The following CSMD1 variants were observed in gnomAD, a reference collection of about 807,000 sequenced individuals.
The protein encoded by CSMD1 is CUB and sushi domain-containing protein 1.
CSMD1 carries 213 observed loss-of-function variants against 417.5 expected under a neutral mutation model. The ratio of observed to expected loss-of-function variants is 0.51; its 90% CI spans 0.46 to 0.57. The LOEUF is 0.57. CSMD1 is among the 20% of genes least tolerant of loss of function. The pLI is 0.00. For synonymous variants in CSMD1, 2,862 were observed against 1,736.8 expected, an observed-to-expected ratio of 1.65 and a Z score of -16.11; for missense variants, 6,923 against 4,529.7, an observed-to-expected ratio of 1.53 and a Z score of -15.17.
intron 1 of CSMD1, among the ~76,000 whole-genome samples, chr8:4,836,218 TTA>T (rs1159325620): frequency 2.0e-5 from 3 of 152,232 alleles, no homozygotes; most frequent in Non-Finnish European, 4.4e-5. Context: ...CCTTGAGGTA[TTA>T]GATAGGTTAA....
At chr8:4,340,387 T>C (rs955571399) in intron 3 of CSMD1, among the ~76,000 whole-genome samples, 1 of 152,080 alleles carries the variant, frequency 6.6e-6, no homozygotes, top group Non-Finnish European at 1.5e-5. Context: ...AATAACACTC[T>C]TGACATGAGT....
intron 41 of CSMD1, among the ~76,000 whole-genome samples, chr8:3,138,955 G>T (rs143106216): frequency 6.6e-6 from 1 of 152,190 alleles, no homozygotes; most frequent in Non-Finnish European, 1.5e-5. Flanking sequence ...AGACATTTAG[G>T]AGTTTGGCCA....
chr8:3,824,850 G>C (rs186757151), intron 5 of CSMD1, among the ~76,000 whole-genome samples: 1 of 151,988 alleles, frequency 6.6e-6, no homozygotes, highest in Admixed American at 6.6e-5. Flanking sequence ...AATGACACAG[G>C]GTTTCAATTA....
intron 12 of CSMD1, among the ~76,000 whole-genome samples, chr8:3,460,746 G>C (rs1036778897): frequency 1.3e-5 from 2 of 152,192 alleles, no homozygotes; most frequent in Non-Finnish European, 2.9e-5. Context: ...TTATAAATCT[G>C]TTGTCCAAAT....
At chr8:4,065,901 G>A (rs1799221011) in intron 3 of CSMD1, among the ~76,000 whole-genome samples, 1 of 152,112 alleles carries the variant, frequency 6.6e-6, no homozygotes. Flanking sequence ...GCTCAAAGAA[G>A]AACAAAGTGG....
chr8:4,328,665 A>T (rs1200655930), intron 3 of CSMD1, among the ~76,000 whole-genome samples: 1 of 152,200 alleles, frequency 6.6e-6, no homozygotes, highest in Non-Finnish European at 1.5e-5. Flanking sequence ...TCTCTTTGAA[A>T]GGCATGTCTA....
chr8:3,849,808 T>A (rs1294355050), intron 5 of CSMD1, among the ~76,000 whole-genome samples: 1 of 137,008 alleles, frequency 7.3e-6, no homozygotes, highest in African/African-American at 3.1e-5. Flanking sequence ...ACAGAGTATA[T>A]CTTTTTTTGT....
In CSMD1 at chr8:3,728,369, A is replaced by T. The variant is rs567222789; in HGVS notation, c.932-19878T>A. On this transcript the variant is annotated intron_variant, in intron 6 of 69. Transcript: ENST00000635120. ...GGAGTCCATTAAACCTCGTTCCTTT[A>T]TCAATTACCCAGTATTGGGTATGTC... Among the ~76,000 whole-genome samples the T allele has an allele frequency of 3.9e-5, 6 of 152,270 alleles. No homozygotes were observed. In the South Asian group the frequency reaches 1.2e-3, roughly 32 times the overall value.
intron 3 of CSMD1, among the ~76,000 whole-genome samples, chr8:4,259,471 A>C (rs1009563090): frequency 6.6e-6 from 1 of 152,204 alleles, no homozygotes; most frequent in Non-Finnish European, 1.5e-5. Flanking sequence ...TTTAGGCTTA[A>C]AAATTAAATT....
At chr8:4,455,743 C>T (rs1284880961) in intron 2 of CSMD1, among the ~76,000 whole-genome samples, 1 of 151,226 alleles carries the variant, frequency 6.6e-6, no homozygotes, top group East Asian at 1.9e-4. Context: ...CCAGCCTGGC[C>T]AACATGGTGA....
At chr8:4,622,551 C>T (rs767035170) in intron 2 of CSMD1, among the ~76,000 whole-genome samples, 1 of 152,142 alleles carries the variant, frequency 6.6e-6, no homozygotes, top group Admixed American at 6.6e-5. Context: ...ACTGAGAAAG[C>T]TTAACATAGT....
chr8:3,765,740 G>C (rs2129057289), intron 5 of CSMD1, among the ~76,000 whole-genome samples: 1 of 152,290 alleles, frequency 6.6e-6, no homozygotes, highest in Non-Finnish European at 1.5e-5. Flanking sequence ...GGGCGCCCAG[G>C]GGGTGAGATC....
At chr8:4,567,623 T>A (rs376539620) in intron 2 of CSMD1, among the ~76,000 whole-genome samples, 12 of 152,318 alleles carry the variant, frequency 7.9e-5, no homozygotes, top group African/African-American at 2.9e-4. Flanking sequence ...GCAATTATTA[T>A]GAGATGATGC....
intron 3 of CSMD1, among the ~76,000 whole-genome samples, chr8:4,264,512 C>T (rs914356021): frequency 6.6e-6 from 1 of 152,290 alleles, no homozygotes; most frequent in South Asian, 2.1e-4. Flanking sequence ...TGTACCCCCC[C>T]TGAAGCTGAG....
chr8:4,782,131 G>T (rs539757086), intron 1 of CSMD1, among the ~76,000 whole-genome samples: 1 of 152,300 alleles, frequency 6.6e-6, no homozygotes, highest in South Asian at 2.1e-4. Context: ...GGAGGAAGGG[G>T]AGAGAGGTTG....
intron 1 of CSMD1, among the ~76,000 whole-genome samples, chr8:4,661,952 A>G (rs1165098360): frequency 1.3e-5 from 2 of 152,182 alleles, no homozygotes; most frequent in East Asian, 1.9e-4. Flanking sequence ...GTTTCTACAT[A>G]GTTACAGAGT....
chr8:3,744,390 A>G (rs943591207), intron 6 of CSMD1, among the ~76,000 whole-genome samples: 1 of 152,220 alleles, frequency 6.6e-6, no homozygotes, highest in Non-Finnish European at 1.5e-5. Context: ...TTTGGAACCC[A>G]GGTTAATGAA....
At chr8:4,853,581 A>G (rs1563593126) in intron 1 of CSMD1, among the ~76,000 whole-genome samples, 1 of 152,250 alleles carries the variant, frequency 6.6e-6, no homozygotes, top group Non-Finnish European at 1.5e-5. Flanking sequence ...GTAGAGTCCC[A>G]CACAGATATT....
intron 32 of CSMD1, among the ~76,000 whole-genome samples, chr8:3,200,443 C>G (rs1342136652): frequency 6.6e-6 from 1 of 151,502 alleles, no homozygotes; most frequent in Non-Finnish European, 1.5e-5. Context: ...TAATCCCAGC[C>G]ACTCAGGAGG....
Sources: gnomAD v4.1 joint callset for allele counts (sites outside exome capture counted in the v4.1 genomes callset) on GRCh38, gnomAD v4.1.1 for gene constraint, MANE v1.5 for transcripts, NCBI Gene and HGNC (gene_info 2026-07-23, HGNC 2026-07-21) for gene names.